The following CTNNAL1 variants were observed in gnomAD, a reference collection of about 807,000 sequenced individuals.
The protein encoded by CTNNAL1 is catenin alpha like 1, also known as alpha-catulin.
CTNNAL1 carries 69 observed loss-of-function variants against 93.6 expected under a neutral mutation model. That is an observed-to-expected ratio of 0.74 (90% CI 0.61 to 0.90). The LOEUF is 0.90. Among genes scored for constraint, CTNNAL1 ranks in the 40% least tolerant of loss-of-function variants. The pLI is 0.00. For missense variants in CTNNAL1, 836 were observed against 862.0 expected (o/e 0.97, Z 0.38); for synonymous variants, 286 against 305.4 (o/e 0.94, Z 0.66).
intron 14 of CTNNAL1, chr9:108,950,547 G>T: frequency 6.4e-7 from 1 of 1,550,398 alleles, no homozygotes; most frequent in Admixed American, 2.0e-5. Flanking sequence ...GTCATCAAGA[G>T]GAAAATGATG....
chr9:108,948,096 C>T (rs28361176), intron 15 of CTNNAL1, 90 bp downstream of exon 15: 16 of 1,407,146 alleles, frequency 1.1e-5, no homozygotes, highest in Admixed American at 3.6e-5. Context: ...TAAGCATATA[C>T]ACATGATATA....
intron 1 of CTNNAL1, among the ~76,000 whole-genome samples, chr9:109,001,533 G>C (rs1238115259): frequency 1.3e-5 from 2 of 152,196 alleles, no homozygotes; most frequent in African/African-American, 4.8e-5. Context: ...AGAACACATA[G>C]TGACTTTCAT....
At chr9:108,945,655 T>C (rs1241513623) in intron 15 of CTNNAL1, among the ~76,000 whole-genome samples, 1 of 151,418 alleles carries the variant, frequency 6.6e-6, no homozygotes. Flanking sequence ...TTTGTTTTTT[T>C]GTAGAGACAA....
intron 1 of CTNNAL1, among the ~76,000 whole-genome samples, chr9:109,006,580 G>A (rs1827033478): frequency 6.6e-6 from 1 of 152,168 alleles, no homozygotes; most frequent in African/African-American, 2.4e-5. Context: ...AAATAGGAAT[G>A]ATATTAAATT....
chr9:108,986,502 C>T (rs1020494129), intron 4 of CTNNAL1, among the ~76,000 whole-genome samples: 2 of 151,990 alleles, frequency 1.3e-5, no homozygotes, highest in African/African-American at 4.8e-5. Flanking sequence ...GTGCATGTGT[C>T]TTTACAGCAG....
chr9:108,945,806 T>C (rs1442367621), intron 15 of CTNNAL1, among the ~76,000 whole-genome samples: 1 of 152,072 alleles, frequency 6.6e-6, no homozygotes, highest in African/African-American at 2.4e-5. Flanking sequence ...TTTCAATCCA[T>C]AGTTGGTTGA....
intron 2 of CTNNAL1, among the ~76,000 whole-genome samples, chr9:108,997,607 T>C (rs770815506): frequency 1.3e-5 from 2 of 152,152 alleles, no homozygotes; most frequent in Non-Finnish European, 1.5e-5. Flanking sequence ...ATTTACTTGG[T>C]TTTATCGCAA....
chr9:109,003,337 C>T (rs375963629), intron 1 of CTNNAL1, among the ~76,000 whole-genome samples: 3 of 152,130 alleles, frequency 2.0e-5, no homozygotes, highest in East Asian at 3.9e-4. Context: ...TTAAGATAAT[C>T]GTATTGGCAG....
At chr9:108,990,008 G>A (rs904122404) in intron 4 of CTNNAL1, among the ~76,000 whole-genome samples, 11 of 152,060 alleles carry the variant, frequency 7.2e-5, no homozygotes, top group African/African-American at 2.2e-4. Flanking sequence ...CCGTGATCAC[G>A]ACACTGCACT....
At chr9:108,989,809 G>A (rs1465994415) in intron 4 of CTNNAL1, among the ~76,000 whole-genome samples, 4 of 152,202 alleles carry the variant, frequency 2.6e-5, no homozygotes, top group Non-Finnish European at 5.9e-5. Context: ...CAGCACTTTG[G>A]GAGGCTGAGG....
chr9:109,003,559 T>A (rs1210682003), intron 1 of CTNNAL1, among the ~76,000 whole-genome samples: 1 of 152,218 alleles, frequency 6.6e-6, no homozygotes, highest in Non-Finnish European at 1.5e-5. Flanking sequence ...ATCAAGGAAC[T>A]GGCAACATTT....
intron 4 of CTNNAL1, 110 bp from the exon 5 acceptor site, chr9:108,984,546 G>T: frequency 5.1e-4 from 171 of 334,108 alleles, no homozygotes; most frequent in East Asian, 6.5e-4. Context: ...ACATTGTTAA[G>T]TGAAAAAAAA....
At chr9:108,943,891 T>G in intron 16 of CTNNAL1, 71 bp downstream of exon 16, 1 of 1,599,196 alleles carries the variant, frequency 6.3e-7, no homozygotes, top group Non-Finnish European at 8.6e-7. Flanking sequence ...CATTTATACA[T>G]TGATATTATA....
rs1334264538 is a variant in CTNNAL1, at chr9:109,007,396, A to G, written c.141+5906T>C. 4.6e-5 allele frequency among the ~76,000 whole-genome samples: 7 copies of G among 152,322 alleles called. 1 individual carries two copies. In the South Asian group the frequency reaches 1.5e-3, roughly 32 times the overall value. On this transcript the variant is annotated intron_variant, in intron 1 of 18. Transcript: ENST00000325551. Reference sequence around the variant, plus strand: ...GCAGAGAGTAATGGGAAAATGAGGTAGGCTACCTTAGAAATTTAAGGGGTC... The same window carrying G: ...GCAGAGAGTAATGGGAAAATGAGGTGGGCTACCTTAGAAATTTAAGGGGTC...
Position 109,013,364 on chromosome 9 carries a change from C to A in CTNNAL1, c.79G>T (p.Asp27Tyr). 2.0e-6 allele frequency: 3 copies of A among 1,513,890 alleles called. No individual in the cohort carries two copies. Among genetic ancestry groups the A allele is most frequent in the East Asian group, 2.8e-5 (1 of 35,798 alleles). 93.8% of individuals were successfully genotyped at this position (1,513,890 alleles called of 1,614,324 possible). The change falls in exon 1 of 19, where the codon GAC (aspartate) becomes TAC (tyrosine). Residue 27 changes from aspartate to tyrosine, a missense_variant. Transcript: ENST00000325551. ...CGAGTTTTGATCTCCAGTCCCGAGT[C>A]GAGGGCGAAGCCCGAAGAGCCGGAG... ...YGSGSSGFALDSGLEIKTRSV... is the reference protein window; with the variant it reads ...YGSGSSGFALYSGLEIKTRSV...
intron 11 of CTNNAL1, among the ~76,000 whole-genome samples, chr9:108,958,005 C>CT (rs1461022819): frequency 1.0e-5 from 1 of 97,344 alleles, no homozygotes; most frequent in Non-Finnish European, 2.0e-5. Context: ...GTAGTCTGTT[C>CT]TTTTTTCTGT....
At chr9:108,982,571 C>T (rs540691082) in intron 6 of CTNNAL1, among the ~76,000 whole-genome samples, 3 of 152,270 alleles carry the variant, frequency 2.0e-5, no homozygotes, top group South Asian at 2.1e-4. Flanking sequence ...GAACAGGAGG[C>T]TACAGCTAAA....
chr9:108,943,849 G>A (rs372722408), intron 16 of CTNNAL1, 33 bp from the exon 17 acceptor site: 36 of 1,605,054 alleles, frequency 2.2e-5, no homozygotes, highest in East Asian at 8.9e-5. Flanking sequence ...ATAACAGCCC[G>A]CAACAAAACT....
intron 1 of CTNNAL1, among the ~76,000 whole-genome samples, chr9:109,002,386 G>A (rs1038831809): frequency 6.6e-6 from 1 of 152,110 alleles, no homozygotes; most frequent in Non-Finnish European, 1.5e-5. Context: ...AATTTTGGGG[G>A]AATGCCAACA....
Sources: gnomAD v4.1 joint callset for allele counts (sites outside exome capture counted in the v4.1 genomes callset) on GRCh38, gnomAD v4.1.1 for gene constraint, MANE v1.5 for transcripts, NCBI Gene and HGNC (gene_info 2026-07-23, HGNC 2026-07-21) for gene names.